The following PCDH15 variants were observed in gnomAD, a reference collection of about 807,000 sequenced individuals.
PCDH15 encodes protocadherin-15.
Under a neutral mutation model 178.5 loss-of-function variants are expected in PCDH15, and 129 were observed. The observed-to-expected ratio is 0.72, with a 90% CI of 0.63 to 0.84. The LOEUF (loss-of-function observed/expected upper bound fraction) is 0.84, where lower values mean the gene tolerates loss of function less well. PCDH15 is among the 40% of genes least tolerant of loss of function. The probability of loss-of-function intolerance (pLI) is 0.00; values close to 1 mark genes in which losing one functional copy is unlikely to be tolerated. For missense variants in PCDH15, 2,230 were observed against 2,099.9 expected (o/e 1.06, Z -1.21); for synonymous variants, 800 against 732.0 (o/e 1.09, Z -1.50).
chr10:54,194,621 T>TGTGC (rs2049386352), intron 11 of PCDH15, among the ~76,000 whole-genome samples: 1 of 151,264 alleles, frequency 6.6e-6, no homozygotes, highest in African/African-American at 2.4e-5. Flanking sequence ...TGTGTGTGTG[T>TGTGC]GTGTGTGTAT....
intron 2 of PCDH15, among the ~76,000 whole-genome samples, chr10:55,364,916 G>C (rs11004829): frequency 0.55 from 84,203 of 151,722 alleles, 23,835 homozygotes; most frequent in African/African-American, 0.64. Context: ...ACAATTTTTT[G>C]TCAATTATAA....
chr10:55,620,620 T>C (rs370195325), intron 2 of PCDH15, among the ~76,000 whole-genome samples: 1 of 151,918 alleles, frequency 6.6e-6, no homozygotes, highest in East Asian at 1.9e-4. Flanking sequence ...TTTGAATATT[T>C]GCACCCTAAA....
chr10:54,097,938 T>C (rs2094729783), intron 15 of PCDH15, among the ~76,000 whole-genome samples: 1 of 152,082 alleles, frequency 6.6e-6, no homozygotes, highest in Non-Finnish European at 1.5e-5. Context: ...CAGTCAGAGC[T>C]CTGTTCTGTA....
intron 1 of PCDH15, among the ~76,000 whole-genome samples, chr10:55,255,603 C>T (rs1471836458): frequency 2.0e-5 from 3 of 152,120 alleles, no homozygotes; most frequent in Admixed American, 6.5e-5. Context: ...TCCACATCCT[C>T]TCCAGCACCT....
intron 25 of PCDH15, among the ~76,000 whole-genome samples, chr10:53,929,563 T>A (rs1167985889): frequency 6.6e-6 from 1 of 152,154 alleles, no homozygotes; most frequent in African/African-American, 2.4e-5. Context: ...GTTACCCAAG[T>A]TATAGCAGGG....
chr10:55,547,107 C>T (rs1034194844), intron 2 of PCDH15, among the ~76,000 whole-genome samples: 1 of 152,120 alleles, frequency 6.6e-6, no homozygotes, highest in African/African-American at 2.4e-5. Context: ...CTCTAGTACC[C>T]ACTGGGATCA....
chr10:55,234,954 AT>A (rs1231020416), intron 1 of PCDH15, among the ~76,000 whole-genome samples: 5 of 151,888 alleles, frequency 3.3e-5, no homozygotes, highest in Non-Finnish European at 7.4e-5. Context: ...AGATTCCATA[AT>A]TTTTCCAAAA....
At chr10:54,826,624 G>A (rs966757180) in intron 3 of PCDH15, among the ~76,000 whole-genome samples, 2 of 151,812 alleles carry the variant, frequency 1.3e-5, no homozygotes, top group Admixed American at 1.3e-4. Context: ...AAGCAAAATT[G>A]CTGTGTTGTG....
intron 2 of PCDH15, among the ~76,000 whole-genome samples, chr10:54,662,048 C>G (rs75746855): frequency 0.066 from 10,028 of 151,818 alleles, 407 homozygotes; most frequent in East Asian, 0.15. Flanking sequence ...CAAAAGTAGA[C>G]AAATGGGACT....
In PCDH15 at chr10:54,133,013, G is replaced by A; in HGVS notation, c.1785-6C>T. On this transcript the variant is annotated splice_polypyrimidine_tract_variant and splice_region_variant and intron_variant, in intron 14 of 37. Coordinates refer to ENST00000644397, the MANE Select transcript of PCDH15 (RefSeq NM_001384140.1). The stretch of plus-strand genomic sequence containing the variant: ...ACACAGTGCAGATGGAGTTCCTGCA[G>A]AGAAAGAGAGGAAAAGAAGATGGTT... The A allele has an allele frequency of 6.2e-7, 1 of 1,613,972 alleles. No individual in the cohort carries two copies. The highest frequency in any genetic ancestry group is 1.1e-5 in the South Asian group (1 of 91,078).
intron 27 of PCDH15, among the ~76,000 whole-genome samples, chr10:53,859,793 A>G (rs1216710125): frequency 2.0e-5 from 3 of 152,128 alleles, no homozygotes; most frequent in Non-Finnish European, 4.4e-5. Context: ...CTTTACAAAT[A>G]TGATATATGA....
chr10:54,824,224 A>G (rs946315867), intron 3 of PCDH15, among the ~76,000 whole-genome samples: 1 of 152,108 alleles, frequency 6.6e-6, no homozygotes, highest in Non-Finnish European at 1.5e-5. Context: ...CAGGATTTAA[A>G]CATGTGTATA....
At chr10:54,393,968 G>A (rs1950869691) in intron 3 of PCDH15, among the ~76,000 whole-genome samples, 1 of 151,856 alleles carries the variant, frequency 6.6e-6, no homozygotes, top group South Asian at 2.1e-4. Flanking sequence ...ATGGCTTAAT[G>A]CATGTTTTAG....
At chr10:54,117,421 C>T (rs2095134807) in intron 15 of PCDH15, among the ~76,000 whole-genome samples, 1 of 152,080 alleles carries the variant, frequency 6.6e-6, no homozygotes, top group African/African-American at 2.4e-5. Flanking sequence ...TTGGGGAGCC[C>T]TTAGATCTGG....
At chr10:54,904,574 A>G (rs1408600568) in intron 2 of PCDH15, among the ~76,000 whole-genome samples, 1 of 152,112 alleles carries the variant, frequency 6.6e-6, no homozygotes, top group East Asian at 1.9e-4. Flanking sequence ...TTACAATGAT[A>G]TATTTACATA....
chr10:55,041,597 C>A (rs757346006), intron 2 of PCDH15, among the ~76,000 whole-genome samples: 5 of 151,946 alleles, frequency 3.3e-5, no homozygotes, highest in African/African-American at 4.8e-5. Flanking sequence ...TTAAGAATGG[C>A]AGCAGGCAAA....
At chr10:54,892,164 G>C (rs1242300938) in intron 3 of PCDH15, among the ~76,000 whole-genome samples, 2 of 152,056 alleles carry the variant, frequency 1.3e-5, no homozygotes, top group Admixed American at 6.6e-5. Flanking sequence ...TCATTCAAAA[G>C]AGACCAAATA....
intron 2 of PCDH15, among the ~76,000 whole-genome samples, chr10:55,441,974 C>G (rs1309953553): frequency 2.0e-5 from 3 of 152,056 alleles, no homozygotes; most frequent in Non-Finnish European, 4.4e-5. Flanking sequence ...GGAATGCTGA[C>G]AGCCCCCAGC....
At chr10:54,961,257 C>T (rs1838646608) in intron 2 of PCDH15, among the ~76,000 whole-genome samples, 1 of 152,196 alleles carries the variant, frequency 6.6e-6, no homozygotes, top group South Asian at 2.1e-4. Context: ...CACTGACATT[C>T]TAGCCCCCTG....
Sources: allele counts gnomAD v4.1 joint callset (sites outside exome capture counted in the v4.1 genomes callset), GRCh38; gene constraint gnomAD v4.1.1; transcripts MANE v1.5; gene names NCBI Gene and HGNC (gene_info 2026-07-23, HGNC 2026-07-21).